MED26: variants seen among roughly 807,000 people sequenced by gnomAD.
MED26 encodes mediator of RNA polymerase II transcription subunit 26.
In MED26, 7 loss-of-function variants were observed where a neutral mutation model predicts 43.7. That is an observed-to-expected ratio of 0.16 (90% CI 0.09 to 0.30). The LOEUF (loss-of-function observed/expected upper bound fraction) is 0.30. Among genes scored for constraint, MED26 ranks in the 10% least tolerant of loss-of-function variants. The probability of loss-of-function intolerance (pLI) is 1.00; values close to 1 mark genes in which losing one functional copy is unlikely to be tolerated. For missense variants in MED26, 784 were observed against 840.6 expected (o/e 0.93, Z 0.83); for synonymous variants, 375 against 371.1 (o/e 1.01, Z -0.12).
intron 1 of MED26, among the ~76,000 whole-genome samples, chr19:16,591,048 A>AAAATAAAAT (rs979650359): frequency 2.0e-4 from 29 of 142,708 alleles, no homozygotes; most frequent in East Asian, 8.2e-4. Context: ...AAAATAAAAT[A>AAAATAAAAT]AAATAAATAA....
At chr19:16,578,290 G>C (rs377727895) in intron 2 of MED26, 45 bp downstream of exon 2, 84 of 1,564,780 alleles carry the variant, frequency 5.4e-5, no homozygotes, top group Non-Finnish European at 7.0e-5. Context: ...ACCATCCCCT[G>C]CCCCCCGTTC....
intron 1 of MED26, among the ~76,000 whole-genome samples, chr19:16,605,334 G>A (rs1374311267): frequency 3.9e-5 from 6 of 152,320 alleles, no homozygotes; most frequent in East Asian, 1.9e-4. Context: ...AAGTCCCTAA[G>A]TATGGTTTTT....
chr19:16,578,319 G>A lies in MED26; in HGVS notation c.147+16C>T. The A allele has an allele frequency of 5.6e-6, 9 of 1,612,508 alleles. No individual in the cohort carries two copies. The highest frequency in any genetic ancestry group is 6.8e-6 in the Non-Finnish European group (8 of 1,178,620). On this transcript the variant is annotated intron_variant, in intron 2 of 2. Transcript: ENST00000263390. The stretch of plus-strand genomic sequence containing the variant: ...CCCGTTCTGCCCTCCCAAATGCTGG[G>A]GTCTGGGATACTCACCTCAAGTGCC...
intron 1 of MED26, chr19:16,578,712 G>C (rs1281827273): frequency 2.7e-6 from 1 of 372,406 alleles, no homozygotes; most frequent in Non-Finnish European, 4.9e-6. Context: ...AACAAGAGCT[G>C]CTCCTGATAC....
At chr19:16,606,045 CACTACCACACCAG>C (rs2086171341) in intron 1 of MED26, among the ~76,000 whole-genome samples, 2 of 152,218 alleles carry the variant, frequency 1.3e-5, no homozygotes, top group Admixed American at 1.3e-4. Context: ...AGCATCGGAT[CACTACCACACCAG>C]ACAGCCAGAC....
chr19:16,580,074 A>G (rs901602181), intron 1 of MED26, among the ~76,000 whole-genome samples: 3 of 151,976 alleles, frequency 2.0e-5, no homozygotes, highest in African/African-American at 7.3e-5. Context: ...GACAGACCTG[A>G]CTCTGAGCTA....
rs1016358372 is a variant in MED26 at position 16,584,279 on chromosome 19, C to T, written c.73-5870G>A. Among the ~76,000 whole-genome samples, 4 of 150,088 alleles carry T rather than the reference C, an allele frequency of 2.7e-5. No individual in the cohort carries two copies. In the East Asian group the frequency reaches 5.8e-4, roughly 22 times the overall value. Reference sequence around the variant, plus strand: ...AAAAAAAGAAAAAGAAAAAAAAAACCGAAACCCAAACACTGCCCCCCCCCG... The same window carrying T: ...AAAAAAAGAAAAAGAAAAAAAAAACTGAAACCCAAACACTGCCCCCCCCCG... On this transcript the variant is annotated intron_variant, in intron 1 of 2. Transcript: ENST00000263390.
At chr19:16,613,123 T>C (rs1461950850) in intron 1 of MED26, among the ~76,000 whole-genome samples, 4 of 152,186 alleles carry the variant, frequency 2.6e-5, no homozygotes, top group East Asian at 1.9e-4. Flanking sequence ...ATAGCACTGA[T>C]AAATATTTGA....
At chr19:16,612,434 G>A (rs2086203898) in intron 1 of MED26, among the ~76,000 whole-genome samples, 1 of 152,004 alleles carries the variant, frequency 6.6e-6, no homozygotes, top group African/African-American at 2.4e-5. Flanking sequence ...ACAGGCACAT[G>A]CCACCAGCCC....
At chr19:16,625,537 TCC>T (rs1306739050) in intron 1 of MED26, among the ~76,000 whole-genome samples, 1 of 149,468 alleles carries the variant, frequency 6.7e-6, no homozygotes, top group Non-Finnish European at 1.5e-5. Context: ...TTCAACACTG[TCC>T]CCGTTTTTTT....
chr19:16,617,321 C>T (rs2086230823), intron 1 of MED26, among the ~76,000 whole-genome samples: 1 of 152,174 alleles, frequency 6.6e-6, no homozygotes, highest in Admixed American at 6.5e-5. Context: ...GGGGCACATG[C>T]TGTTTCTGTC....
Position 16,577,644 on chromosome 19 carries a change from C to T in MED26, c.186G>A (p.Lys62=). Reference sequence around the variant, plus strand: ...TGGCGAGCTCCTCGTTCTTGGTTTTCTTGCGGACGTCGTTGATGAGCTTCC... The same window carrying T: ...TGGCGAGCTCCTCGTTCTTGGTTTTTTTGCGGACGTCGTTGATGAGCTTCC... ...RLGKLINDVR[K]KTKNEELAKR... The change falls in exon 3 of 3, where the codon AAG becomes AAA. Residue 62 remains lysine (K), a synonymous_variant. Coordinates refer to ENST00000263390, the MANE Select transcript of MED26 (RefSeq NM_004831.5). The surrounding 1 kb of genome is among the most constrained non-coding windows in gnomAD (Gnocchi z 8.1). 6.3e-7 allele frequency: 1 copy of T among 1,587,336 alleles called. No homozygotes were observed. Among genetic ancestry groups the T allele is most frequent in the Non-Finnish European group, 8.6e-7 (1 of 1,163,430 alleles).
At chr19:16,626,199 A>T (rs1201350546) in intron 1 of MED26, among the ~76,000 whole-genome samples, 1 of 152,160 alleles carries the variant, frequency 6.6e-6, no homozygotes. Flanking sequence ...AGGTGGCATT[A>T]AGGATCAGTG....
At chr19:16,604,963 A>T (rs770535395) in intron 1 of MED26, among the ~76,000 whole-genome samples, 3 of 152,110 alleles carry the variant, frequency 2.0e-5, no homozygotes, top group Non-Finnish European at 2.9e-5. Flanking sequence ...ATCAGTACCT[A>T]CCTGCAGTAC....
chr19:16,607,159 T>C (rs949478420), intron 1 of MED26, among the ~76,000 whole-genome samples: 3 of 151,970 alleles, frequency 2.0e-5, no homozygotes, highest in Admixed American at 6.6e-5. Context: ...CTGGGCAACA[T>C]AGTGAGACCC....
rs2086005768 is a variant in MED26 at position 16,576,830 on chromosome 19, T to C, written c.1000A>G (p.Ser334Gly). The change falls in exon 3 of 3, where the codon AGT becomes GGT. Residue 334 changes from serine to glycine, a missense_variant. Physicochemically the swap from Ser to Gly is moderately conservative, Grantham distance 56. This residue lies in a region of MED26 where 719 missense variants were observed against 730.9 expected (regional missense o/e 0.98). Coordinates refer to ENST00000263390, the MANE Select transcript of MED26 (RefSeq NM_004831.5). The surrounding 1 kb of genome is among the most constrained non-coding windows in gnomAD (Gnocchi z 6.8). ...AGCCAGCACACTGGGCTTTCCGCAC[T>C]GGGCAGCAGCTCGAGCCGCCGTACG... The part of the protein sequence containing the change: ...PPVRRLELLP[S>G]AESPVCWLEQ... The C allele has an allele frequency of 4.3e-6, 7 of 1,609,850 alleles. No individual in the cohort carries two copies. Among genetic ancestry groups the C allele is most frequent in the Middle Eastern group, 3.3e-4 (2 of 6,028 alleles).
chr19:16,597,424 A>T, intron 1 of MED26: 1 of 398,668 alleles, frequency 2.5e-6, no homozygotes, highest in Non-Finnish European at 4.4e-6. Context: ...CAAGAAGTCA[A>T]CTTACCACTG....
intron 1 of MED26, among the ~76,000 whole-genome samples, chr19:16,626,784 TC>T (rs1321911453): frequency 6.6e-6 from 1 of 152,174 alleles, no homozygotes; most frequent in African/African-American, 2.4e-5. Context: ...AATGGCCACT[TC>T]CTGGGAAGCA....
At chr19:16,578,073 G>A (rs1195383039) in intron 2 of MED26, 3 of 533,098 alleles carry the variant, frequency 5.6e-6, no homozygotes. Context: ...TCTCACTGGA[G>A]CCTCCTCCAA....
Sources: gnomAD v4.1 joint callset for allele counts (sites outside exome capture counted in the v4.1 genomes callset) on GRCh38, gnomAD v4.1.1 for gene constraint, gnomAD v4.1.1 regional missense constraint, Gnocchi (gnomAD v3.1) non-coding constraint, MANE v1.5 for transcripts, NCBI Gene and HGNC (gene_info 2026-07-23, HGNC 2026-07-21) for gene names.